The following CLEC2A variants were observed in gnomAD, a reference collection of about 807,000 sequenced individuals.
CLEC2A encodes the protein keratinocyte-associated C-type lectin.
Under a neutral mutation model 18.6 loss-of-function variants are expected in CLEC2A, and 19 were observed. The observed-to-expected ratio is 1.02, with a 90% confidence interval of 0.71 to 1.50. The LOEUF is 1.50. Ranked by LOEUF, CLEC2A falls within the 40% of genes most tolerant of loss-of-function variation. The pLI, the probability that CLEC2A is intolerant of heterozygous loss-of-function variation, is 0.00. For missense variants in CLEC2A, 190 were observed against 207.9 expected (o/e 0.91, Z 0.53); for synonymous variants, 74 against 64.0 (o/e 1.16, Z -0.75).
chr12:9,884,321 A>T, the CLEC2A span, among the ~76,000 whole-genome samples: 1 of 151,990 alleles, frequency 6.6e-6, no homozygotes, highest in African/African-American at 2.4e-5. Flanking sequence ...ATCTAATACT[A>T]CCTAAGCTGA....
intron 4 of CLEC2A, chr12:9,899,015 A>T (rs1426199893): frequency 1.4e-6 from 1 of 703,452 alleles, no homozygotes; most frequent in East Asian, 2.7e-5. Context: ...ATTAGAAAAC[A>T]TATATCAAAA....
At chr12:9,898,916 T>A in exon 5 of CLEC2A, 1 of 715,668 alleles carries the variant, frequency 1.4e-6, no homozygotes, top group Non-Finnish European at 2.6e-6. Flanking sequence ...ATCTAAGGGG[T>A]CCCAGCAGAA....
Position 9,915,563 on chromosome 12 carries a change from T to C in CLEC2A, c.410+1137A>G, listed in dbSNP as rs535103719. Among the ~76,000 whole-genome samples the C allele has an allele frequency of 3.9e-5, 6 of 152,240 alleles. No individual in the cohort carries two copies. In the East Asian group the frequency reaches 9.6e-4, roughly 24 times the overall value. On this transcript the variant is annotated intron_variant, in intron 4 of 4. Coordinates refer to ENST00000455827, the MANE Select transcript of CLEC2A (RefSeq NM_001130711.2). The stretch of plus-strand genomic sequence containing the variant: ...TCCATGTTCTTTGCAGGGACATGGA[T>C]GAATCTGGAAACTGTCATCCTCAGC...
the CLEC2A span, among the ~76,000 whole-genome samples, chr12:9,892,580 CT>C: frequency 0.14 from 15,158 of 104,542 alleles, 741 homozygotes; most frequent in African/African-American, 0.29. Flanking sequence ...TACAGAACTG[CT>C]TTTTTTTTTT....
chr12:9,881,932 G>T, the CLEC2A span, among the ~76,000 whole-genome samples: 1 of 151,948 alleles, frequency 6.6e-6, no homozygotes, highest in South Asian at 2.1e-4. Flanking sequence ...CGAAGAAAAG[G>T]CTGAAAAATT....
chr12:9,895,533 G>C (rs1163567307), downstream of CLEC2A, among the ~76,000 whole-genome samples: 1 of 152,242 alleles, frequency 6.6e-6, no homozygotes, highest in Non-Finnish European at 1.5e-5. Context: ...GGAAAGAGGA[G>C]AAGAGGCTGC....
the CLEC2A span, chr12:9,881,541 T>C: frequency 1.6e-6 from 2 of 1,288,658 alleles, no homozygotes; most frequent in Non-Finnish European, 2.2e-6. Context: ...TTGAGATTAG[T>C]TTCCATTTTC....
At chr12:9,905,833 A>G (rs1262705163) in intron 4 of CLEC2A, among the ~76,000 whole-genome samples, 2 of 152,202 alleles carry the variant, frequency 1.3e-5, no homozygotes, top group Non-Finnish European at 2.9e-5. Flanking sequence ...CCTTAACTAC[A>G]TTATTAGCAG....
chr12:9,926,295 C>A lies in CLEC2A; in HGVS notation c.104G>T (p.Ser35Ile). 1 of 1,549,446 alleles carries A rather than the reference C, an allele frequency of 6.5e-7. No homozygotes were observed. The change falls in exon 2 of 5, where the codon AGT (serine) becomes ATT (isoleucine). Residue 35 changes from serine (S) to isoleucine (I), a missense_variant. Transcript: ENST00000455827. ...NWKIGLMCFL[S>I]IIITTVCIIM... The stretch of plus-strand genomic sequence containing the variant: ...AATGCAAACTGTAGTAATAATAATA[C>A]TCAGGAAGCACATAAGGCCAATCTT...
At chr12:9,880,982 C>T in the CLEC2A span, among the ~76,000 whole-genome samples, 4 of 152,234 alleles carry the variant, frequency 2.6e-5, no homozygotes, top group African/African-American at 9.6e-5. Flanking sequence ...ATCTGCCTGG[C>T]GTTTTCTGAA....
downstream of CLEC2A, among the ~76,000 whole-genome samples, chr12:9,910,626 CTT>C (rs1862970490): frequency 6.6e-6 from 1 of 152,190 alleles, no homozygotes; most frequent in East Asian, 1.9e-4. Flanking sequence ...CATTCACACA[CTT>C]TCAACCTCCA....
rs754059260 is a variant in CLEC2A, at chr12:9,922,114, A to G, written c.258T>C (p.Cys86=). 1.6e-5 allele frequency: 25 copies of G among 1,551,048 alleles called. No homozygotes were observed. The highest frequency in any genetic ancestry group is 1.7e-4 in the Middle Eastern group (1 of 6,012). ...GAGCAAGTTCTGCTTTCTGCAAACT[A>G]CAAAATATTTTACTGGCTGTCCAAT... ...TRNWTASKIF[C]SLQKAELAQI... The change falls in exon 3 of 5, where the codon TGT becomes TGC. Residue 86 remains cysteine, a synonymous_variant. Coordinates refer to ENST00000455827, the MANE Select transcript of CLEC2A (RefSeq NM_001130711.2).
intron 3 of CLEC2A, among the ~76,000 whole-genome samples, chr12:9,917,945 G>C (rs1017787895): frequency 6.6e-6 from 1 of 151,684 alleles, no homozygotes; most frequent in African/African-American, 2.4e-5. Context: ...ATTTTAATAG[G>C]GTTGTTTTTC....
intron 2 of CLEC2A, 69 bp downstream of exon 2, chr12:9,926,191 A>T: frequency 1.1e-6 from 1 of 937,138 alleles, no homozygotes; most frequent in Non-Finnish European, 1.6e-6. Flanking sequence ...ATTTGGAGTT[A>T]AACTTGAGAT....
chr12:9,911,838 A>G (rs933076086), downstream of CLEC2A, among the ~76,000 whole-genome samples: 4 of 152,134 alleles, frequency 2.6e-5, no homozygotes, highest in African/African-American at 9.7e-5. Flanking sequence ...CTAACCTGAT[A>G]GGGTTAGATA....
intron 4 of CLEC2A, 75 bp from the exon 5 acceptor site, chr12:9,913,755 A>AT: frequency 1.1e-6 from 1 of 938,398 alleles, no homozygotes; most frequent in Non-Finnish European, 1.6e-6. Context: ...TAATAGAGTG[A>AT]TTTTAAATAT....
the CLEC2A span, among the ~76,000 whole-genome samples, chr12:9,882,369 T>G: frequency 6.6e-6 from 1 of 152,188 alleles, no homozygotes; most frequent in Non-Finnish European, 1.5e-5. Context: ...ATGACACTTT[T>G]GTTATTATCT....
chr12:9,905,500 G>A (rs181781539), intron 4 of CLEC2A, among the ~76,000 whole-genome samples: 1 of 152,304 alleles, frequency 6.6e-6, no homozygotes, highest in Non-Finnish European at 1.5e-5. Context: ...GCAGTGGAGT[G>A]TAAATAAGGC....
intron 4 of CLEC2A, among the ~76,000 whole-genome samples, chr12:9,902,614 T>G (rs1027316143): frequency 6.6e-6 from 1 of 151,360 alleles, no homozygotes; most frequent in African/African-American, 2.4e-5. Flanking sequence ...GGAAGCTTTG[T>G]TCTTTCGCTC....
Sources: allele counts gnomAD v4.1 joint callset (sites outside exome capture counted in the v4.1 genomes callset), GRCh38; gene constraint gnomAD v4.1.1; transcripts MANE v1.5; gene names NCBI Gene and HGNC (gene_info 2026-07-23, HGNC 2026-07-21).